CDC42BPA: variants seen among roughly 807,000 people sequenced by gnomAD.
CDC42BPA encodes the protein serine/threonine-protein kinase MRCK alpha.
CDC42BPA carries 80 observed loss-of-function variants against 223.5 expected under a neutral mutation model. The observed-to-expected ratio is 0.36, with a 90% CI of 0.30 to 0.43. The LOEUF (loss-of-function observed/expected upper bound fraction) is 0.43, where lower values mean the gene tolerates loss of function less well. Among genes scored for constraint, CDC42BPA ranks in the 20% least tolerant of loss-of-function variants. The pLI, the probability that CDC42BPA is intolerant of heterozygous loss-of-function variation, is 1.00. For synonymous variants in CDC42BPA, 694 were observed against 718.6 expected (o/e 0.97, Z 0.55); for missense variants, 1,743 against 2,099.9 (o/e 0.83, Z 3.32).
chr1:227,064,342 A>G (rs370414295), intron 21 of CDC42BPA, among the ~76,000 whole-genome samples: 3 of 152,350 alleles, frequency 2.0e-5, no homozygotes, highest in African/African-American at 7.2e-5. Context: ...AATATATGAC[A>G]ATACGTTTCT....
At chr1:227,258,663 A>G (rs1683524741) in intron 1 of CDC42BPA, among the ~76,000 whole-genome samples, 1 of 150,960 alleles carries the variant, frequency 6.6e-6, no homozygotes, top group African/African-American at 2.5e-5. Flanking sequence ...ATCATGTATC[A>G]ATTACTTGAA....
At chr1:227,033,546 T>G (rs1390553981) in intron 26 of CDC42BPA, 131 bp from the exon 27 acceptor site, 3 of 617,146 alleles carry the variant, frequency 4.9e-6, no homozygotes, top group Non-Finnish European at 8.8e-6. Context: ...TTAAAAAAAT[T>G]AATTTTCCCC....
At chr1:227,027,330 C>T (rs1343847909) in intron 30 of CDC42BPA, among the ~76,000 whole-genome samples, 1 of 152,148 alleles carries the variant, frequency 6.6e-6, no homozygotes, top group Non-Finnish European at 1.5e-5. Flanking sequence ...GGGTTGCCCT[C>T]CCAAACTTTC....
At chr1:227,316,959 A>T in intron 1 of CDC42BPA, 46 bp downstream of exon 1, 1 of 1,412,258 alleles carries the variant, frequency 7.1e-7, no homozygotes, top group Non-Finnish European at 1.0e-6. Flanking sequence ...TTAAATCATA[A>T]TGACCAGCTA....
At chr1:227,263,567 T>C (rs948682696) in intron 1 of CDC42BPA, among the ~76,000 whole-genome samples, 1 of 150,918 alleles carries the variant, frequency 6.6e-6, no homozygotes, top group African/African-American at 2.4e-5. Context: ...TGATATCTCA[T>C]TACCTTGAGA....
intron 2 of CDC42BPA, among the ~76,000 whole-genome samples, chr1:227,249,806 T>C (rs1558867577): frequency 6.6e-6 from 1 of 152,074 alleles, no homozygotes; most frequent in Admixed American, 6.6e-5. Context: ...TAACAAATGC[T>C]GGTGAGGATG....
intron 3 of CDC42BPA, among the ~76,000 whole-genome samples, chr1:227,212,489 C>T (rs549464888): frequency 6.6e-6 from 1 of 152,224 alleles, no homozygotes; most frequent in Admixed American, 6.5e-5. Context: ...GAATGCCTAT[C>T]CCATTCAACC....
chr1:227,170,648 T>C (rs1665946274), intron 5 of CDC42BPA, among the ~76,000 whole-genome samples: 1 of 152,134 alleles, frequency 6.6e-6, no homozygotes, highest in Non-Finnish European at 1.5e-5. Context: ...CCTGTGTTTC[T>C]TGGAGAACTT....
chr1:227,131,440 T>C (rs1325763594), intron 10 of CDC42BPA, among the ~76,000 whole-genome samples: 1 of 152,244 alleles, frequency 6.6e-6, no homozygotes, highest in African/African-American at 2.4e-5. Context: ...GGAGAGGTTT[T>C]AATCTCCCAT....
Position 227,318,432 on chromosome 1 carries a change from G to C in CDC42BPA, c.-1250C>G, listed in dbSNP as rs539292528. 4 of 152,230 alleles carry C rather than the reference G, an allele frequency of 2.6e-5. No homozygotes were observed. Among genetic ancestry groups the C allele is most frequent in the East Asian group, 2.0e-4 (1 of 5,114 alleles). The allele number at this position is 152,230 out of a possible 1,614,324, so 9.4% of individuals were successfully genotyped here. On this transcript the variant is annotated 5_prime_UTR_variant, in exon 1 of 37. Coordinates refer to ENST00000366766, the MANE Select transcript of CDC42BPA (RefSeq NM_001394014.1). ...CTCGCGCTCGCGCCCTGGGCTCAGC[G>C]AGGCTCCTCCAGTCCCGCCGCACAG...
intron 2 of CDC42BPA, among the ~76,000 whole-genome samples, chr1:227,250,938 A>T (rs1257660486): frequency 3.3e-5 from 5 of 152,154 alleles, no homozygotes; most frequent in Admixed American, 2.6e-4. Flanking sequence ...CTATAGTCTT[A>T]GCTACCCAGG....
chr1:227,074,151 G>A (rs919096217), intron 18 of CDC42BPA, 108 bp downstream of exon 18: 3 of 1,331,894 alleles, frequency 2.3e-6, no homozygotes, highest in Admixed American at 2.2e-5. Flanking sequence ...CTCTTTAGTA[G>A]GCTCAAAGTC....
intron 1 of CDC42BPA, among the ~76,000 whole-genome samples, chr1:227,311,692 A>G (rs1026151699): frequency 1.3e-5 from 2 of 151,738 alleles, no homozygotes; most frequent in African/African-American, 4.8e-5. Context: ...TCCCCTGCCC[A>G]TTAAGTTCTT....
intron 1 of CDC42BPA, among the ~76,000 whole-genome samples, chr1:227,291,740 G>C (rs1338845432): frequency 6.6e-6 from 1 of 152,080 alleles, no homozygotes; most frequent in African/African-American, 2.4e-5. Flanking sequence ...CAGGTTTTCT[G>C]TTCCAACCAA....
chr1:227,236,375 C>T (rs1350645043), intron 2 of CDC42BPA, among the ~76,000 whole-genome samples: 5 of 152,178 alleles, frequency 3.3e-5, no homozygotes, highest in South Asian at 2.1e-4. Flanking sequence ...AAAACAAATA[C>T]CTCTATGTCT....
At chr1:227,039,295 T>C (rs1670904943) in intron 24 of CDC42BPA, among the ~76,000 whole-genome samples, 1 of 152,154 alleles carries the variant, frequency 6.6e-6, no homozygotes, top group Non-Finnish European at 1.5e-5. Context: ...TACAAAGTTG[T>C]CTTGAACTTA....
At chr1:227,010,790 C>T (rs1452306350) in intron 34 of CDC42BPA, 2 of 680,626 alleles carry the variant, frequency 2.9e-6, no homozygotes, top group Non-Finnish European at 4.0e-6. Context: ...CAAGATGGCA[C>T]CATTTCAGCG....
At chr1:227,163,105 CAT>C (rs1304390313) in intron 5 of CDC42BPA, among the ~76,000 whole-genome samples, 8 of 60,030 alleles carry the variant, frequency 1.3e-4, no homozygotes, top group Admixed American at 4.5e-4. Context: ...TGTTTCCAAA[CAT>C]ATATGTGTGT....
intron 9 of CDC42BPA, among the ~76,000 whole-genome samples, chr1:227,141,578 G>A (rs183793645): frequency 5.9e-5 from 9 of 152,216 alleles, no homozygotes; most frequent in East Asian, 5.8e-4. Flanking sequence ...AGTTGTCTGC[G>A]GTTTGCCTCA....
Sources: gnomAD v4.1 joint callset for allele counts (sites outside exome capture counted in the v4.1 genomes callset) on GRCh38, gnomAD v4.1.1 for gene constraint, MANE v1.5 for transcripts, NCBI Gene and HGNC (gene_info 2026-07-23, HGNC 2026-07-21) for gene names.